PLCH1: variants seen among roughly 807,000 people sequenced by gnomAD.
PLCH1 encodes the protein phospholipase C eta 1.
Under a neutral mutation model 126.7 loss-of-function variants are expected in PLCH1, and 60 were observed. The observed-to-expected ratio is 0.47, with a 90% CI of 0.38 to 0.59. PLCH1 has a LOEUF of 0.59. Ranked by LOEUF, PLCH1 falls within the 20% of genes least tolerant of loss-of-function variation. The pLI is 0.00. For missense variants in PLCH1, 1,723 were observed against 2,040.0 expected (o/e 0.84, Z 2.99); for synonymous variants, 719 against 734.9 (o/e 0.98, Z 0.35).
At chr3:155,578,194 G>A (rs918037683) in intron 6 of PLCH1, among the ~76,000 whole-genome samples, 1 of 152,134 alleles carries the variant, frequency 6.6e-6, no homozygotes, top group African/African-American at 2.4e-5. Flanking sequence ...TATCCTCTAA[G>A]GGAAAATATA....
chr3:155,564,994 C>A lies in PLCH1; in HGVS notation c.990G>T (p.Leu330=), dbSNP rs1367795465. The part of the protein sequence containing the change: ...YYIASSHNTY[L]TGDQLLSQSK... Reference sequence around the variant, plus strand: ...ACTGAGAAAGGAGCTGGTCTCCAGTCAGGTATGTATTGTGAGAGGAAGCAA... The same window carrying A: ...ACTGAGAAAGGAGCTGGTCTCCAGTAAGGTATGTATTGTGAGAGGAAGCAA... The change falls in exon 8 of 23, where the codon CTG becomes CTT. Residue 330 remains leucine, a synonymous_variant. Transcript: ENST00000460012. The A allele has an allele frequency of 6.2e-7, 1 of 1,613,784 alleles. No homozygotes were observed. The highest frequency in any genetic ancestry group is 8.5e-7 in the Non-Finnish European group (1 of 1,179,748).
At chr3:155,563,315 T>C (rs1041216443) in intron 8 of PLCH1, among the ~76,000 whole-genome samples, 2 of 152,234 alleles carry the variant, frequency 1.3e-5, no homozygotes, top group African/African-American at 4.8e-5. Context: ...AAATGACTGA[T>C]AAAGATGTCC....
intron 21 of PLCH1, chr3:155,486,169 A>C: frequency 6.5e-7 from 1 of 1,547,202 alleles, no homozygotes. Context: ...TAGAAAGTGC[A>C]ATATAGTATA....
chr3:155,481,091 T>G lies in PLCH1; in HGVS notation c.4935A>C (p.Pro1645=). The change falls in exon 23 of 23, where the codon CCA becomes CCC. Residue 1645 remains proline (P), a synonymous_variant. Transcript: ENST00000460012. The surrounding 1 kb of genome is among the most constrained non-coding windows in gnomAD (Gnocchi z 4.2). ...KGGGLEGRGI[P]EGACTALHYG... ...AGTGAAGAGCCGTGCATGCCCCCTCTGGGATGCCCCGGCCTTCAAGGCCAC... is the reference window on the plus strand; with the variant it reads ...AGTGAAGAGCCGTGCATGCCCCCTCGGGGATGCCCCGGCCTTCAAGGCCAC... 6.2e-7 allele frequency: 1 copy of G among 1,614,186 alleles called. No homozygotes were observed. Among genetic ancestry groups the G allele is most frequent in the Non-Finnish European group, 8.5e-7 (1 of 1,180,004 alleles).
At chr3:155,666,677 C>T (rs1233971148) in intron 2 of PLCH1, among the ~76,000 whole-genome samples, 1 of 152,028 alleles carries the variant, frequency 6.6e-6, no homozygotes, top group Non-Finnish European at 1.5e-5. Context: ...AAATAACAAG[C>T]CAGGTACTCA....
At chr3:155,702,274 G>A (rs1172948518) in intron 2 of PLCH1, among the ~76,000 whole-genome samples, 8 of 152,114 alleles carry the variant, frequency 5.3e-5, no homozygotes, top group African/African-American at 1.4e-4. Flanking sequence ...GTCCAAGACC[G>A]TACACTGCTA....
rs559218913 is a variant in PLCH1 at position 155,675,881 on chromosome 3, T to C, written c.79+28265A>G. ...ATTTCATACTGAAATATAATAAATATGTTCTGAAGAATTCAAATAAATATT... is the reference window on the plus strand; with the variant it reads ...ATTTCATACTGAAATATAATAAATACGTTCTGAAGAATTCAAATAAATATT... On this transcript the variant is annotated intron_variant, in intron 2 of 22. Coordinates refer to ENST00000460012, the MANE Select transcript of PLCH1 (RefSeq NM_014996.4). 1.5e-5 allele frequency: 9 copies of C among 590,776 alleles called. 1 individual carries two copies. The South Asian group carries it at 2.0e-4, about 13-fold the overall frequency. 36.6% of individuals were successfully genotyped at this position (590,776 alleles called of 1,614,324 possible).
chr3:155,619,680 T>A (rs1380893779), intron 2 of PLCH1, among the ~76,000 whole-genome samples: 1 of 151,990 alleles, frequency 6.6e-6, no homozygotes, highest in Non-Finnish European at 1.5e-5. Flanking sequence ...CCTACCCCCA[T>A]CCAAAGCCTC....
intron 6 of PLCH1, among the ~76,000 whole-genome samples, chr3:155,579,874 C>CTG (rs1476040765): frequency 3.3e-5 from 5 of 151,998 alleles, no homozygotes; most frequent in African/African-American, 1.2e-4. Context: ...CTGTGTCTGT[C>CTG]TCTGTCTGTC....
chr3:155,594,691 T>TG (rs1732726158), intron 3 of PLCH1, among the ~76,000 whole-genome samples: 1 of 152,178 alleles, frequency 6.6e-6, no homozygotes, highest in African/African-American at 2.4e-5. Flanking sequence ...GCATAACACT[T>TG]GTGCTGCCTG....
Position 155,481,177 on chromosome 3 carries a change from C to A in PLCH1, c.4849G>T (p.Ala1617Ser), listed in dbSNP as rs147362418. ...GAGCCGGTGGAGTGGCGATTCACTG[C>A]AGGGGTGGGTGCTGAGGGTTTGTTT... ...LRNKPSAPTP[A>S]VNRHSTGSYI... Residue 1617 changes from alanine (A) to serine (S), a missense_variant, in exon 23 of 23, where the codon GCA becomes TCA. This residue lies in a region of PLCH1 where 947 missense variants were observed against 977.1 expected (regional missense o/e 0.97). Transcript: ENST00000460012. The surrounding 1 kb of genome is among the most constrained non-coding windows in gnomAD (Gnocchi z 4.2). 18 of 1,614,102 alleles carry A rather than the reference C, an allele frequency of 1.1e-5. No homozygotes were observed. Among genetic ancestry groups the A allele is most frequent in the Non-Finnish European group, 1.4e-5 (17 of 1,180,038 alleles).
intron 13 of PLCH1, among the ~76,000 whole-genome samples, chr3:155,502,988 G>T (rs1317378057): frequency 2.6e-5 from 4 of 152,216 alleles, no homozygotes; most frequent in African/African-American, 9.6e-5. Context: ...ATAATGTAAA[G>T]TTCTCCATCT....
chr3:155,666,624 G>A (rs1742751118), intron 2 of PLCH1, among the ~76,000 whole-genome samples: 1 of 152,118 alleles, frequency 6.6e-6, no homozygotes, highest in African/African-American at 2.4e-5. Context: ...AATTAGCATT[G>A]TCAGAATTGA....
chr3:155,667,311 A>G (rs909781909), intron 2 of PLCH1, among the ~76,000 whole-genome samples: 7 of 152,186 alleles, frequency 4.6e-5, no homozygotes, highest in Non-Finnish European at 7.3e-5. Context: ...CTCTTCTCTC[A>G]TGTAGGGGTA....
chr3:155,616,281 T>G (rs927173790), intron 2 of PLCH1, among the ~76,000 whole-genome samples: 4 of 152,206 alleles, frequency 2.6e-5, no homozygotes, highest in Non-Finnish European at 5.9e-5. Flanking sequence ...AGCATTGTTT[T>G]AAGATAGAAA....
intron 1 of PLCH1, among the ~76,000 whole-genome samples, chr3:155,707,663 C>CA (rs11377105): frequency 0.26 from 37,270 of 142,080 alleles, 4,974 homozygotes; most frequent in East Asian, 0.48. Flanking sequence ...AACTCCATCT[C>CA]AAAAAAAAAA....
At chr3:155,734,743 C>CTGTCG (rs1292546994) in intron 1 of PLCH1, among the ~76,000 whole-genome samples, 1 of 147,788 alleles carries the variant, frequency 6.8e-6, no homozygotes, top group Non-Finnish European at 1.5e-5. Context: ...GAGTCTCGCT[C>CTGTCG]TGTCGCCCAG....
chr3:155,653,787 C>T (rs1375610362), intron 2 of PLCH1, among the ~76,000 whole-genome samples: 2 of 152,058 alleles, frequency 1.3e-5, no homozygotes, highest in Non-Finnish European at 2.9e-5. Flanking sequence ...CTGTACACTC[C>T]ACTTCTTCAC....
intron 2 of PLCH1, among the ~76,000 whole-genome samples, chr3:155,692,459 A>AATGGATGG (rs59965316): frequency 0.01 from 1,568 of 151,758 alleles, 27 homozygotes; most frequent in African/African-American, 0.035. Context: ...TGAATGAATG[A>AATGGATGG]ATGGATGGAT....
Sources: allele counts gnomAD v4.1 joint callset (sites outside exome capture counted in the v4.1 genomes callset), GRCh38; gene constraint gnomAD v4.1.1; regional missense constraint gnomAD v4.1.1; non-coding constraint Gnocchi (gnomAD v3.1); transcripts MANE v1.5; gene names NCBI Gene and HGNC (gene_info 2026-07-23, HGNC 2026-07-21).